The following NLGN1 variants were observed in gnomAD, a reference collection of about 807,000 sequenced individuals.
The protein encoded by NLGN1 is neuroligin-1.
In NLGN1, 12 loss-of-function variants were observed where a neutral mutation model predicts 65.5. That is an observed-to-expected ratio of 0.18 (90% CI 0.12 to 0.30). NLGN1 has a LOEUF of 0.30. NLGN1 is among the 10% of genes least tolerant of loss of function. The pLI is 1.00. For synonymous variants in NLGN1, 350 were observed against 359.5 expected (o/e 0.97, Z 0.30); for missense variants, 750 against 1,007.1 (o/e 0.74, Z 3.46).
chr3:174,202,874 C>T (rs2152777608), intron 4 of NLGN1: 1 of 152,344 alleles, frequency 6.6e-6, no homozygotes, highest in Non-Finnish European at 1.5e-5. Flanking sequence ...TGGTTGAGGA[C>T]AGGCTGTTAG....
chr3:173,748,136 T>C (rs1775797818), intron 3 of NLGN1, among the ~76,000 whole-genome samples: 1 of 152,030 alleles, frequency 6.6e-6, no homozygotes, highest in Non-Finnish European at 1.5e-5. Flanking sequence ...ATCTAGTAAA[T>C]ATTATTTGTT....
chr3:173,767,843 A>C (rs974730405), intron 3 of NLGN1, among the ~76,000 whole-genome samples: 2 of 152,120 alleles, frequency 1.3e-5, no homozygotes, highest in Non-Finnish European at 2.9e-5. Context: ...CATTTGTCAA[A>C]ATTCAACAAT....
intron 2 of NLGN1, among the ~76,000 whole-genome samples, chr3:173,573,465 G>C (rs901085289): frequency 1.3e-5 from 2 of 149,868 alleles, no homozygotes; most frequent in African/African-American, 4.9e-5. Context: ...GGGGATACAT[G>C]TATCTTCATA....
chr3:173,495,923 A>G lies in NLGN1; in HGVS notation c.-321+60845A>G, dbSNP rs541425493. Among the ~76,000 whole-genome samples the G allele has an allele frequency of 1.5e-4, 23 of 151,900 alleles. 1 individual carries two copies. The highest frequency in any genetic ancestry group is 5.6e-4 in the African/African-American group (23 of 41,240). On this transcript the variant is annotated intron_variant, in intron 2 of 6. Transcript: ENST00000457714. ...AATCATAGAGTTTGTATACTTTTGT[A>G]ACTGGCTTTTTTATTCAGTATAAGG... is the stretch of plus-strand genomic sequence containing the variant.
intron 3 of NLGN1, among the ~76,000 whole-genome samples, chr3:173,727,486 G>A (rs943228786): frequency 6.6e-6 from 1 of 152,050 alleles, no homozygotes; most frequent in Non-Finnish European, 1.5e-5. Flanking sequence ...TGCCCTTCTA[G>A]CACCTTAAAC....
intron 3 of NLGN1, among the ~76,000 whole-genome samples, chr3:173,614,237 A>T (rs1294313960): frequency 6.6e-6 from 1 of 152,060 alleles, no homozygotes. Flanking sequence ...GGGCAGGGGG[A>T]TAAGTATGAA....
intron 3 of NLGN1, among the ~76,000 whole-genome samples, chr3:173,694,523 G>A (rs1765917098): frequency 6.6e-6 from 1 of 152,212 alleles, no homozygotes. Context: ...ATTGCCTTGT[G>A]TGATAAAAAG....
chr3:173,730,751 T>G (rs1417808358), intron 3 of NLGN1, among the ~76,000 whole-genome samples: 1 of 152,116 alleles, frequency 6.6e-6, no homozygotes, highest in African/African-American at 2.4e-5. Flanking sequence ...TCTCAACTAT[T>G]CCAATATAAA....
chr3:174,160,831 A>G (rs1038109727), intron 4 of NLGN1, among the ~76,000 whole-genome samples: 18 of 151,652 alleles, frequency 1.2e-4, no homozygotes, highest in African/African-American at 3.9e-4. Flanking sequence ...ATTATTATTG[A>G]CCATAGTCAC....
At position 174,138,627 on chromosome 3, in the gene NLGN1, G is replaced by A. The variant is rs566835097; in HGVS notation, c.647-136688G>A. On this transcript the variant is annotated intron_variant, in intron 4 of 6. Transcript: ENST00000457714. ...TTTTTTGTATTTTTAGTAGAGATGG[G>A]GTTTCACCGTGTTAGCCAGGATGGT... 3.0e-4 allele frequency among the ~76,000 whole-genome samples: 46 copies of A among 151,824 alleles called. 1 individual carries two copies. The highest frequency in any genetic ancestry group is 1.0e-3 in the African/African-American group (42 of 41,444).
intron 2 of NLGN1, among the ~76,000 whole-genome samples, chr3:173,462,102 G>C (rs907768649): frequency 2.6e-5 from 4 of 152,132 alleles, no homozygotes; most frequent in African/African-American, 9.7e-5. Flanking sequence ...ATTAGGTTCA[G>C]TGCTGTTACT....
chr3:173,833,444 T>TA (rs746085665), intron 4 of NLGN1, among the ~76,000 whole-genome samples: 23 of 152,212 alleles, frequency 1.5e-4, no homozygotes, highest in East Asian at 3.9e-4. Context: ...AAATCTGTAC[T>TA]AAAAAAAATT....
At chr3:174,156,968 CTTAT>C (rs1385540700) in intron 4 of NLGN1, among the ~76,000 whole-genome samples, 3 of 149,466 alleles carry the variant, frequency 2.0e-5, no homozygotes, top group Non-Finnish European at 4.5e-5. Context: ...TCTACATAGT[CTTAT>C]TTAAGGAATA....
chr3:174,076,625 AC>A (rs1740966475), intron 4 of NLGN1, among the ~76,000 whole-genome samples: 1 of 150,774 alleles, frequency 6.6e-6, no homozygotes, highest in Non-Finnish European at 1.5e-5. Context: ...TTTCTATGAA[AC>A]CTTTCCTGAA....
chr3:173,471,448 G>A (rs777440184), intron 2 of NLGN1, among the ~76,000 whole-genome samples: 3 of 152,106 alleles, frequency 2.0e-5, no homozygotes, highest in East Asian at 1.9e-4. Context: ...CTCTGCCTTC[G>A]TGTTCACATG....
At chr3:173,617,288 C>A (rs1052886528) in intron 3 of NLGN1, among the ~76,000 whole-genome samples, 1 of 152,042 alleles carries the variant, frequency 6.6e-6, no homozygotes, top group Non-Finnish European at 1.5e-5. Context: ...TTATTTTGTT[C>A]ATTTATGTGC....
intron 4 of NLGN1, among the ~76,000 whole-genome samples, chr3:174,235,833 G>A (rs758655249): frequency 4.6e-5 from 7 of 152,218 alleles, no homozygotes; most frequent in Admixed American, 1.3e-4. Flanking sequence ...TTTGAGGAAC[G>A]TGACCTAAAA....
At chr3:173,586,008 T>G (rs1340386693) in intron 2 of NLGN1, among the ~76,000 whole-genome samples, 1 of 152,200 alleles carries the variant, frequency 6.6e-6, no homozygotes, top group Non-Finnish European at 1.5e-5. Flanking sequence ...TATTCTGAAG[T>G]AATTTTGGAG....
intron 4 of NLGN1, among the ~76,000 whole-genome samples, chr3:174,148,776 T>C (rs970173961): frequency 2.6e-5 from 4 of 152,198 alleles, no homozygotes; most frequent in African/African-American, 7.2e-5. Flanking sequence ...ATCAAATGTT[T>C]ACTTAGCATT....
Sources: allele counts gnomAD v4.1 joint callset (sites outside exome capture counted in the v4.1 genomes callset), GRCh38; gene constraint gnomAD v4.1.1; transcripts MANE v1.5; gene names NCBI Gene and HGNC (gene_info 2026-07-23, HGNC 2026-07-21).